Variants in RPS6KA5 observed in about 807,000 individuals in gnomAD.
The protein encoded by RPS6KA5 is ribosomal protein S6 kinase A5, also known as ribosomal protein S6 kinase alpha-5.
In RPS6KA5, 27 loss-of-function variants were observed where a neutral mutation model predicts 85.5. That is an observed-to-expected ratio of 0.32 (90% confidence interval 0.23 to 0.44). RPS6KA5 has a LOEUF of 0.44. Among genes scored for constraint, RPS6KA5 ranks in the 20% least tolerant of loss-of-function variants. The pLI is 1.00. For synonymous variants in RPS6KA5, 334 were observed against 348.2 expected, an observed-to-expected ratio of 0.96 and a Z score of 0.46; for missense variants, 811 against 980.9, an observed-to-expected ratio of 0.83 and a Z score of 2.31.
intron 2 of RPS6KA5, among the ~76,000 whole-genome samples, chr14:91,000,389 T>G (rs1032591561): frequency 5.9e-5 from 9 of 152,224 alleles, no homozygotes; most frequent in Non-Finnish European, 1.2e-4. Flanking sequence ...ACAAATTACG[T>G]TCATTGAGTA....
At chr14:90,919,969 T>A (rs1210758306) in intron 7 of RPS6KA5, among the ~76,000 whole-genome samples, 2 of 152,130 alleles carry the variant, frequency 1.3e-5, no homozygotes, top group African/African-American at 4.8e-5. Flanking sequence ...CACACCAAAA[T>A]CATGACACTA....
chr14:90,872,667 C>G (rs992710297), intron 16 of RPS6KA5, among the ~76,000 whole-genome samples: 14 of 152,298 alleles, frequency 9.2e-5, no homozygotes, highest in Admixed American at 8.5e-4. Context: ...ATTGCTTTTA[C>G]TGGTTCTGTG....
chr14:90,993,851 T>C (rs1205932602), intron 2 of RPS6KA5, among the ~76,000 whole-genome samples: 2 of 152,216 alleles, frequency 1.3e-5, no homozygotes, highest in Non-Finnish European at 2.9e-5. Flanking sequence ...ACTCATTCTA[T>C]AAGCTCCTTC....
intron 1 of RPS6KA5, among the ~76,000 whole-genome samples, chr14:91,007,288 T>G (rs1474587166): frequency 1.3e-5 from 2 of 152,004 alleles, no homozygotes; most frequent in Non-Finnish European, 2.9e-5. Context: ...CAACAAAGAG[T>G]ATCAACAAAC....
At chr14:91,008,719 A>T (rs1451771495) in intron 1 of RPS6KA5, among the ~76,000 whole-genome samples, 1 of 152,226 alleles carries the variant, frequency 6.6e-6, no homozygotes, top group African/African-American at 2.4e-5. Flanking sequence ...CATAACATAA[A>T]ATAGGTATAT....
chr14:90,910,302 C>G (rs2035735576), intron 7 of RPS6KA5, among the ~76,000 whole-genome samples: 1 of 152,074 alleles, frequency 6.6e-6, no homozygotes, highest in African/African-American at 2.4e-5. Context: ...TTTCTTCCTA[C>G]TCATGAATTA....
intron 7 of RPS6KA5, among the ~76,000 whole-genome samples, chr14:90,912,387 T>C (rs1317273709): frequency 1.3e-5 from 2 of 152,188 alleles, no homozygotes; most frequent in African/African-American, 4.8e-5. Flanking sequence ...AAACAAGTGA[T>C]ACCCGTGAAG....
rs1306006787 is a variant in RPS6KA5 at position 90,870,127 on chromosome 14, T to C, written c.*1947A>G. On this transcript the variant is annotated 3_prime_UTR_variant, in exon 17 of 17. Coordinates refer to ENST00000614987, the MANE Select transcript of RPS6KA5 (RefSeq NM_004755.4). ...TATTAGCAACATAGTCCCTTTAGTT[T>C]GTACTTTATAACTAGTATTTTCTAC... 1 of 152,248 alleles carries C rather than the reference T, an allele frequency of 6.6e-6. No individual in the cohort carries two copies. The highest frequency in any genetic ancestry group is 2.4e-5 in the African/African-American group (1 of 41,468). 9.4% of individuals were successfully genotyped at this position (152,248 alleles called of 1,614,324 possible).
chr14:90,892,742 T>C (rs764275595), intron 13 of RPS6KA5, among the ~76,000 whole-genome samples: 1 of 152,224 alleles, frequency 6.6e-6, no homozygotes, highest in African/African-American at 2.4e-5. Flanking sequence ...AAGTGCCACA[T>C]GGGAAAATAT....
intron 2 of RPS6KA5, among the ~76,000 whole-genome samples, chr14:90,991,964 G>A (rs1359272507): frequency 6.6e-6 from 1 of 151,932 alleles, no homozygotes; most frequent in Non-Finnish European, 1.5e-5. Context: ...TTGATGAATA[G>A]CATTTTTTTC....
intron 1 of RPS6KA5, chr14:91,052,574 C>T (rs2043134386): frequency 5.3e-6 from 1 of 189,580 alleles, no homozygotes; most frequent in Non-Finnish European, 1.1e-5. Flanking sequence ...CCTGTAATCC[C>T]AGTACTTTGG....
rs963630939 is a variant in RPS6KA5 at position 90,892,703 on chromosome 14, C to T, written c.1644+1710G>A. ...TGCAGAAAATGAATCCACATAGCTACCTACCAAAAGATAGATAATCAGACC... is the reference window on the plus strand; with the variant it reads ...TGCAGAAAATGAATCCACATAGCTATCTACCAAAAGATAGATAATCAGACC... On this transcript the variant is annotated intron_variant, in intron 13 of 16. Coordinates refer to ENST00000614987, the MANE Select transcript of RPS6KA5 (RefSeq NM_004755.4). 2.6e-5 allele frequency among the ~76,000 whole-genome samples: 4 copies of T among 152,288 alleles called. No individual in the cohort carries two copies. In the East Asian group the frequency reaches 7.7e-4, roughly 29 times the overall value.
intron 5 of RPS6KA5, among the ~76,000 whole-genome samples, chr14:90,939,635 C>T (rs1305740062): frequency 6.6e-6 from 1 of 152,148 alleles, no homozygotes; most frequent in African/African-American, 2.4e-5. Flanking sequence ...AGAGAGAGAA[C>T]TTGTTGCAGG....
chr14:91,025,388 T>C (rs1185018899), intron 1 of RPS6KA5, among the ~76,000 whole-genome samples: 2 of 152,148 alleles, frequency 1.3e-5, no homozygotes, highest in Non-Finnish European at 2.9e-5. Context: ...TCTCCACTAT[T>C]CCATACCCAA....
intron 14 of RPS6KA5, among the ~76,000 whole-genome samples, chr14:90,886,967 A>G (rs1188269105): frequency 1.3e-5 from 2 of 152,244 alleles, no homozygotes; most frequent in East Asian, 3.8e-4. Context: ...CATGTTTATT[A>G]GATGTAAAAT....
chr14:91,044,699 C>T (rs928030242), intron 1 of RPS6KA5, among the ~76,000 whole-genome samples: 7 of 151,750 alleles, frequency 4.6e-5, no homozygotes, highest in Non-Finnish European at 8.8e-5. Flanking sequence ...GGTGAAACCC[C>T]GTCTGTACTA....
chr14:91,057,831 A>C (rs2139980595), intron 1 of RPS6KA5, among the ~76,000 whole-genome samples: 1 of 152,354 alleles, frequency 6.6e-6, no homozygotes, highest in East Asian at 1.9e-4. Context: ...TGTCTCATTC[A>C]ATTCTCACAT....
intron 5 of RPS6KA5, among the ~76,000 whole-genome samples, chr14:90,936,459 G>A (rs1011526555): frequency 6.6e-6 from 1 of 152,132 alleles, no homozygotes; most frequent in Admixed American, 6.5e-5. Flanking sequence ...AGCTACTTGG[G>A]AGTCTGAGGT....
At chr14:90,882,077 TTC>T (rs1331540801) in intron 14 of RPS6KA5, among the ~76,000 whole-genome samples, 1 of 152,244 alleles carries the variant, frequency 6.6e-6, no homozygotes, top group Non-Finnish European at 1.5e-5. Context: ...CATTACTGCC[TTC>T]TTTTATGTTT....
Sources: allele counts gnomAD v4.1 joint callset (sites outside exome capture counted in the v4.1 genomes callset), GRCh38; gene constraint gnomAD v4.1.1; transcripts MANE v1.5; gene names NCBI Gene and HGNC (gene_info 2026-07-23, HGNC 2026-07-21).